Variants in BLTP1 observed in about 807,000 individuals in gnomAD.
The protein encoded by BLTP1 is fragile site-associated protein.
the BLTP1 span, among the ~76,000 whole-genome samples, chr4:122,241,769 T>C: frequency 6.6e-6 from 1 of 152,220 alleles, no homozygotes; most frequent in South Asian, 2.1e-4. Context: ...TGTGGAAATA[T>C]GTTGGTATAT....
chr4:122,242,723 A>G, the BLTP1 span, among the ~76,000 whole-genome samples: 1 of 152,164 alleles, frequency 6.6e-6, no homozygotes, highest in Non-Finnish European at 1.5e-5. Flanking sequence ...ACTCAATTTA[A>G]AAAGAAACTC....
At chr4:122,309,126 G>A in the BLTP1 span, 3 of 1,173,498 alleles carry the variant, frequency 2.6e-6, no homozygotes, top group Non-Finnish European at 3.4e-6. Flanking sequence ...TTTTTAAAAG[G>A]CATCTTTCTA....
the BLTP1 span, among the ~76,000 whole-genome samples, chr4:122,191,479 T>C: frequency 6.6e-6 from 1 of 152,124 alleles, no homozygotes; most frequent in Non-Finnish European, 1.5e-5. Flanking sequence ...ATGGAATTGG[T>C]GAATATTTGG....
chr4:122,312,773 T>C, the BLTP1 span: 1 of 751,640 alleles, frequency 1.3e-6, no homozygotes, highest in Non-Finnish European at 1.6e-6. Flanking sequence ...AGAAATGTAA[T>C]ACCAAATTAC....
the BLTP1 span, among the ~76,000 whole-genome samples, chr4:122,327,521 ATACAGCATTCT>A: frequency 6.0e-3 from 911 of 151,870 alleles, 5 homozygotes; most frequent in African/African-American, 0.021. Context: ...TTACCTTAAA[ATACAGCATTCT>A]TCAGTTTGAT....
At chr4:122,293,261 G>A in the BLTP1 span, 3 of 718,746 alleles carry the variant, frequency 4.2e-6, no homozygotes, top group Non-Finnish European at 5.1e-6. Flanking sequence ...AGCAGCTGTA[G>A]TCCAGGACTC....
the BLTP1 span, among the ~76,000 whole-genome samples, chr4:122,161,521 C>G: frequency 2.0e-5 from 3 of 151,390 alleles, no homozygotes; most frequent in Non-Finnish European, 2.9e-5. Context: ...GCCTTGACTT[C>G]CCAGGCTTAA....
chr4:122,305,058 T>C, the BLTP1 span: 30 of 1,355,060 alleles, frequency 2.2e-5, no homozygotes, highest in Non-Finnish European at 2.7e-5. Context: ...CTGTAACTTA[T>C]GTATTATTAT....
the BLTP1 span, among the ~76,000 whole-genome samples, chr4:122,160,329 G>A: frequency 6.6e-6 from 1 of 152,120 alleles, no homozygotes. Flanking sequence ...ATTGGTTAGC[G>A]TTCTATTTAA....
At chr4:122,345,977 G>C in the BLTP1 span, 1 of 971,540 alleles carries the variant, frequency 1.0e-6, no homozygotes, top group South Asian at 4.7e-5. Flanking sequence ...AATAAAGAAG[G>C]AAATGTCTAT....
the BLTP1 span, chr4:122,339,077 T>G: frequency 9.7e-7 from 1 of 1,033,012 alleles, no homozygotes; most frequent in Non-Finnish European, 1.4e-6. Context: ...TGAGTTCAGG[T>G]GATATACTTT....
At chr4:122,251,950 T>G in the BLTP1 span, among the ~76,000 whole-genome samples, 2 of 152,192 alleles carry the variant, frequency 1.3e-5, no homozygotes, top group African/African-American at 4.8e-5. Context: ...GGATTGTGTT[T>G]AGTGGCCTTT....
At chr4:122,233,819 C>A in the BLTP1 span, among the ~76,000 whole-genome samples, 3 of 152,016 alleles carry the variant, frequency 2.0e-5, no homozygotes, top group Admixed American at 2.0e-4. Flanking sequence ...TTATTATTTT[C>A]TTGTTTATTG....
the BLTP1 span, among the ~76,000 whole-genome samples, chr4:122,178,699 T>C: frequency 2.6e-5 from 4 of 152,162 alleles, no homozygotes; most frequent in Non-Finnish European, 5.9e-5. Flanking sequence ...TTTATTCCAT[T>C]ATTATCTCAT....
chr4:122,319,462 A>G, the BLTP1 span, among the ~76,000 whole-genome samples: 2 of 149,560 alleles, frequency 1.3e-5, no homozygotes, highest in Admixed American at 1.3e-4. Flanking sequence ...TCTTCAACTC[A>G]TGTTCAGGTA....
the BLTP1 span, chr4:122,189,962 G>T: frequency 6.2e-7 from 1 of 1,600,128 alleles, no homozygotes; most frequent in Non-Finnish European, 8.5e-7. Context: ...ATATTCTGGA[G>T]ATTTGTTTAG....
At chr4:122,274,663 C>G in the BLTP1 span, 1 of 977,616 alleles carries the variant, frequency 1.0e-6, no homozygotes, top group Non-Finnish European at 1.2e-6. Context: ...TTCAGCAGAG[C>G]AGTTTCATGT....
chr4:122,278,938 T>A, the BLTP1 span, among the ~76,000 whole-genome samples: 1 of 152,228 alleles, frequency 6.6e-6, no homozygotes, highest in Non-Finnish European at 1.5e-5. Context: ...CCATGACTGA[T>A]CTGCTTTTGA....
the BLTP1 span, among the ~76,000 whole-genome samples, chr4:122,320,237 T>C: frequency 1.3e-5 from 2 of 151,832 alleles, no homozygotes; most frequent in Non-Finnish European, 2.9e-5. Context: ...CAACCTCAAA[T>C]TCCTGGGCTC....
Sources: allele counts gnomAD v4.1 joint callset (sites outside exome capture counted in the v4.1 genomes callset), GRCh38; gene constraint gnomAD v4.1.1; transcripts MANE v1.5; gene names NCBI Gene and HGNC (gene_info 2026-07-23, HGNC 2026-07-21).